The following NELL2 variants were observed in gnomAD, a reference collection of about 807,000 sequenced individuals.
NELL2 encodes the protein neural EGFL like 2.
A neutral mutation model predicts 109.6 loss-of-function variants in NELL2; 41 were observed. The ratio of observed to expected loss-of-function variants is 0.37; its 90% CI spans 0.29 to 0.49. The LOEUF is 0.49. Ranked by LOEUF, NELL2 falls within the 20% of genes least tolerant of loss-of-function variation. The probability of loss-of-function intolerance (pLI) is 0.98; values close to 1 mark genes in which losing one functional copy is unlikely to be tolerated. For synonymous variants in NELL2, 355 were observed against 344.7 expected (o/e 1.03, Z -0.33); for missense variants, 900 against 1,008.3 (o/e 0.89, Z 1.45).
intron 2 of NELL2, among the ~76,000 whole-genome samples, chr12:44,861,964 A>C (rs1419212434): frequency 6.6e-6 from 1 of 152,212 alleles, no homozygotes; most frequent in Non-Finnish European, 1.5e-5. Context: ...AGAAACATAA[A>C]AAGCCAAGGA....
intron 9 of NELL2, among the ~76,000 whole-genome samples, chr12:44,771,211 A>C (rs566488352): frequency 6.6e-6 from 1 of 152,312 alleles, no homozygotes; most frequent in Admixed American, 6.5e-5. Flanking sequence ...ATGGTGACTG[A>C]AAGGAAAGAG....
At chr12:44,619,164 G>C (rs1275007385) in intron 13 of NELL2, among the ~76,000 whole-genome samples, 3 of 152,212 alleles carry the variant, frequency 2.0e-5, no homozygotes, top group African/African-American at 7.2e-5. Context: ...AACAGAAAAG[G>C]GTAAAGACGG....
chr12:44,644,636 A>AG (rs1947022961), intron 13 of NELL2, among the ~76,000 whole-genome samples: 1 of 133,472 alleles, frequency 7.5e-6, no homozygotes. Flanking sequence ...ACATACATAT[A>AG]TATATATATA....
chr12:44,616,171 TCTG>T (rs1261835865), intron 13 of NELL2, among the ~76,000 whole-genome samples: 1 of 152,168 alleles, frequency 6.6e-6, no homozygotes, highest in African/African-American at 2.4e-5. Context: ...ATTCTGCTCT[TCTG>T]GTAACAGAAC....
At chr12:44,546,381 T>A (rs778754851) in intron 15 of NELL2, among the ~76,000 whole-genome samples, 1 of 152,134 alleles carries the variant, frequency 6.6e-6, no homozygotes, top group Non-Finnish European at 1.5e-5. Context: ...TAAGTCCATT[T>A]TATTATAACA....
chr12:44,540,354 G>A (rs1942497703), intron 15 of NELL2, among the ~76,000 whole-genome samples: 1 of 152,140 alleles, frequency 6.6e-6, no homozygotes, highest in Non-Finnish European at 1.5e-5. Flanking sequence ...AAGTGGTAGA[G>A]ATAGAACAAA....
intron 9 of NELL2, among the ~76,000 whole-genome samples, chr12:44,741,764 C>T (rs1939983214): frequency 1.3e-5 from 2 of 152,182 alleles, no homozygotes; most frequent in Admixed American, 1.3e-4. Flanking sequence ...GGAGGGGCGC[C>T]CACCATTGCC....
At chr12:44,761,750 C>T (rs1221749247) in intron 9 of NELL2, among the ~76,000 whole-genome samples, 1 of 152,094 alleles carries the variant, frequency 6.6e-6, no homozygotes, top group African/African-American at 2.4e-5. Context: ...GAGCTGGAGG[C>T]CATTAACCTA....
intron 9 of NELL2, among the ~76,000 whole-genome samples, chr12:44,725,307 G>A (rs1939014779): frequency 6.6e-6 from 1 of 152,092 alleles, no homozygotes; most frequent in South Asian, 2.1e-4. Flanking sequence ...CACAGCCAAA[G>A]AAACTACAAA....
In NELL2 at chr12:44,553,932, C is replaced by A. The variant is rs2136170466; in HGVS notation, c.1664-21211G>T. 2.0e-5 allele frequency among the ~76,000 whole-genome samples: 3 copies of A among 152,270 alleles called. 1 individual carries two copies. The Middle Eastern group carries it at 0.01, about 518-fold the overall frequency. On this transcript the variant is annotated intron_variant, in intron 15 of 19. Coordinates refer to ENST00000429094, the MANE Select transcript of NELL2 (RefSeq NM_001145108.2). ...TTAAGCTACTTGCACATGCTAGTTTCACCCAAATATGATGTAGTAAAGCGC... is the reference window on the plus strand; with the variant it reads ...TTAAGCTACTTGCACATGCTAGTTTAACCCAAATATGATGTAGTAAAGCGC...
intron 19 of NELL2, among the ~76,000 whole-genome samples, chr12:44,515,262 T>C (rs1039799350): frequency 2.6e-5 from 4 of 151,750 alleles, no homozygotes; most frequent in Admixed American, 6.6e-5. Flanking sequence ...TATAAAACCG[T>C]TGACAGATTG....
chr12:44,554,235 A>G (rs1249310373), intron 15 of NELL2, among the ~76,000 whole-genome samples: 1 of 152,210 alleles, frequency 6.6e-6, no homozygotes, highest in Non-Finnish European at 1.5e-5. Flanking sequence ...AGACCCACAA[A>G]TGGAGCCATA....
At chr12:44,868,119 C>CAAAAAAAAA (rs34038469) in intron 2 of NELL2, among the ~76,000 whole-genome samples, 3 of 64,672 alleles carry the variant, frequency 4.6e-5, no homozygotes, top group Admixed American at 2.1e-4. Context: ...GGCTCCATCT[C>CAAAAAAAAA]AAAAAAAAAA....
chr12:44,920,280 G>A (rs1031773682), intron 1 of NELL2, among the ~76,000 whole-genome samples: 1 of 152,002 alleles, frequency 6.6e-6, no homozygotes, highest in Non-Finnish European at 1.5e-5. Flanking sequence ...TATAAGAAGA[G>A]AATCCATTTG....
intron 15 of NELL2, among the ~76,000 whole-genome samples, chr12:44,546,746 C>T (rs2136157865): frequency 6.6e-6 from 1 of 152,238 alleles, no homozygotes; most frequent in Admixed American, 6.5e-5. Flanking sequence ...AATTTTATTG[C>T]CAAGGCAACC....
At chr12:44,894,044 A>G (rs553097208) in intron 1 of NELL2, among the ~76,000 whole-genome samples, 5 of 152,348 alleles carry the variant, frequency 3.3e-5, no homozygotes, top group African/African-American at 9.6e-5. Flanking sequence ...CTAACAGGAA[A>G]AAAATAGAGA....
chr12:44,672,800 A>G (rs778832540), intron 12 of NELL2, among the ~76,000 whole-genome samples: 55 of 152,196 alleles, frequency 3.6e-4, no homozygotes, highest in Non-Finnish European at 3.8e-4. Flanking sequence ...TTGGCCTTCT[A>G]AAAACTGTCT....
chr12:44,516,064 C>A (rs941440946), intron 19 of NELL2, among the ~76,000 whole-genome samples: 2 of 151,664 alleles, frequency 1.3e-5, no homozygotes, highest in Non-Finnish European at 2.9e-5. Flanking sequence ...TACATGTGCA[C>A]AACGTGCATA....
chr12:44,738,820 GA>G (rs1364190179), intron 9 of NELL2, among the ~76,000 whole-genome samples: 1 of 152,142 alleles, frequency 6.6e-6, no homozygotes, highest in Non-Finnish European at 1.5e-5. Flanking sequence ...TAAGTTTTCT[GA>G]TCATAAAAAG....
Sources: allele counts gnomAD v4.1 joint callset (sites outside exome capture counted in the v4.1 genomes callset), GRCh38; gene constraint gnomAD v4.1.1; transcripts MANE v1.5; gene names NCBI Gene and HGNC (gene_info 2026-07-23, HGNC 2026-07-21).